SLCO1C1: variants seen among roughly 807,000 people sequenced by gnomAD.
The protein encoded by SLCO1C1 is OAT-RP-5.
A neutral mutation model predicts 76.4 loss-of-function variants in SLCO1C1; 70 were observed. The observed-to-expected ratio is 0.92, with a 90% CI of 0.76 to 1.12. The LOEUF (loss-of-function observed/expected upper bound fraction) is 1.12, where lower values mean the gene tolerates loss of function less well. Ranked by LOEUF, SLCO1C1 falls within the 50% of genes most tolerant of loss-of-function variation. The pLI is 0.00. For missense variants in SLCO1C1, 912 were observed against 823.8 expected (o/e 1.11, Z -1.31); for synonymous variants, 306 against 286.1 (o/e 1.07, Z -0.70).
chr12:20,722,623 C>G (rs1357260877), intron 8 of SLCO1C1, among the ~76,000 whole-genome samples: 1 of 152,118 alleles, frequency 6.6e-6, no homozygotes, highest in African/African-American at 2.4e-5. Context: ...GGGAGAACAC[C>G]AATGCTCATT....
intron 13 of SLCO1C1, among the ~76,000 whole-genome samples, chr12:20,749,299 CCAGA>C (rs1318934141): frequency 3.7e-4 from 56 of 152,166 alleles, no homozygotes; most frequent in African/African-American, 1.3e-3. Context: ...CCGGAAACAA[CCAGA>C]CAGTTGATGG....
intron 8 of SLCO1C1, among the ~76,000 whole-genome samples, chr12:20,722,652 A>G (rs146386042): frequency 6.6e-6 from 1 of 152,336 alleles, no homozygotes; most frequent in Non-Finnish European, 1.5e-5. Context: ...TAAAATTCAT[A>G]TATTAAATGG....
At chr12:20,737,578 CATA>C (rs751760902) in intron 11 of SLCO1C1, among the ~76,000 whole-genome samples, 250 of 152,236 alleles carry the variant, frequency 1.6e-3, no homozygotes, top group Non-Finnish European at 2.9e-3. Context: ...GTATGATCAT[CATA>C]ATAAGATATG....
At chr12:20,711,271 T>C in intron 4 of SLCO1C1, 115 bp from the exon 5 acceptor site, 1 of 1,212,900 alleles carries the variant, frequency 8.2e-7, no homozygotes. Flanking sequence ...GTGAATTAGG[T>C]TCAGAGACAG....
In SLCO1C1 at chr12:20,695,425, G is replaced by A. The variant is rs555723411; in HGVS notation, c.-408G>A. ...TCTTTTATTCACTCTCTCCCATAAAGAAAGCTTTATCACGTGTGGCCTTAA... is the reference window on the plus strand; with the variant it reads ...TCTTTTATTCACTCTCTCCCATAAAAAAAGCTTTATCACGTGTGGCCTTAA... On this transcript the variant is annotated 5_prime_UTR_variant, in exon 1 of 15. Transcript: ENST00000266509. 2.6e-5 allele frequency: 4 copies of A among 152,196 alleles called. No individual in the cohort carries two copies. In the South Asian group the frequency reaches 6.2e-4, roughly 24 times the overall value. 9.4% of individuals were successfully genotyped at this position (152,196 alleles called of 1,614,324 possible).
rs192307604 is a variant in SLCO1C1, at chr12:20,751,194, C to A, written c.1916+402C>A. 9.5e-4 allele frequency among the ~76,000 whole-genome samples: 144 copies of A among 152,124 alleles called. 4 individuals are homozygous for A. The highest frequency in any genetic ancestry group is 5.0e-4 in the Non-Finnish European group (34 of 67,980). ...TGTACCACTTACGTCAGATATAATACCCCTGGGCAAGAGTTGGATTTGGCT... is the reference window on the plus strand; with the variant it reads ...TGTACCACTTACGTCAGATATAATAACCCTGGGCAAGAGTTGGATTTGGCT... On this transcript the variant is annotated intron_variant, in intron 14 of 14. Transcript: ENST00000266509.
chr12:20,714,586 A>T (rs887359177), intron 5 of SLCO1C1, among the ~76,000 whole-genome samples: 9 of 152,200 alleles, frequency 5.9e-5, no homozygotes, highest in Admixed American at 4.6e-4. Context: ...GAGTCCTAAA[A>T]ATGGTTATTC....
intron 7 of SLCO1C1, among the ~76,000 whole-genome samples, chr12:20,719,853 A>G (rs568588417): frequency 1.3e-5 from 2 of 152,340 alleles, no homozygotes; most frequent in African/African-American, 4.8e-5. Context: ...ATATTTAACT[A>G]GGATTATTGA....
intron 7 of SLCO1C1, among the ~76,000 whole-genome samples, chr12:20,720,155 A>T (rs1422069801): frequency 6.6e-6 from 1 of 152,178 alleles, no homozygotes; most frequent in Non-Finnish European, 1.5e-5. Context: ...AGCATGGTTT[A>T]CTAACTATTT....
intron 9 of SLCO1C1, among the ~76,000 whole-genome samples, chr12:20,725,268 TTAATA>T (rs1363333635): frequency 1.8e-4 from 25 of 141,006 alleles, no homozygotes; most frequent in South Asian, 2.2e-4. Context: ...TTAATATGTA[TTAATA>T]TAATATATAT....
At chr12:20,726,223 C>G (rs1222592223) in intron 9 of SLCO1C1, among the ~76,000 whole-genome samples, 1 of 151,004 alleles carries the variant, frequency 6.6e-6, no homozygotes, top group Non-Finnish European at 1.5e-5. Context: ...TCTTTCTTTT[C>G]TTCTTCTATT....
chr12:20,710,090 G>C (rs1415754909), intron 4 of SLCO1C1, among the ~76,000 whole-genome samples: 1 of 151,670 alleles, frequency 6.6e-6, no homozygotes, highest in Non-Finnish European at 1.5e-5. Context: ...AACCCATTGA[G>C]GTGCAGATTG....
chr12:20,706,299 AAGATT>A (rs1946774369), intron 4 of SLCO1C1, among the ~76,000 whole-genome samples: 2 of 152,260 alleles, frequency 1.3e-5, no homozygotes, highest in East Asian at 3.9e-4. Context: ...TGATATCAAC[AAGATT>A]AAAGAAAGAT....
At chr12:20,731,775 CAA>C in intron 9 of SLCO1C1, among the ~76,000 whole-genome samples, 1 of 152,304 alleles carries the variant, frequency 6.6e-6, no homozygotes, top group Admixed American at 6.5e-5. Flanking sequence ...CCTCTTTTCC[CAA>C]GTCTTTTGCA....
At chr12:20,712,748 C>A (rs945615568) in intron 5 of SLCO1C1, among the ~76,000 whole-genome samples, 1 of 152,074 alleles carries the variant, frequency 6.6e-6, no homozygotes, top group South Asian at 2.1e-4. Context: ...AGGCAATGAA[C>A]CCCGGCTGTT....
chr12:20,728,828 A>G (rs11045417), intron 9 of SLCO1C1, among the ~76,000 whole-genome samples: 47,825 of 151,740 alleles, frequency 0.32, 8,031 homozygotes, highest in Middle Eastern at 0.4. Flanking sequence ...CAAGGAATAA[A>G]ATCTTTAACC....
At chr12:20,733,686 G>A (rs1035397392) in intron 10 of SLCO1C1, among the ~76,000 whole-genome samples, 9 of 152,126 alleles carry the variant, frequency 5.9e-5, no homozygotes, top group African/African-American at 2.2e-4. Context: ...AGGAAACAAC[G>A]CCTGTCCTTC....
intron 7 of SLCO1C1, among the ~76,000 whole-genome samples, chr12:20,718,922 G>C (rs185410644): frequency 2.0e-5 from 3 of 152,042 alleles, no homozygotes; most frequent in Non-Finnish European, 4.4e-5. Flanking sequence ...TACAGACATA[G>C]CTTGTTTTAT....
intron 4 of SLCO1C1, 110 bp downstream of exon 4, chr12:20,706,191 CTTACTT>C: frequency 7.6e-7 from 1 of 1,319,214 alleles, no homozygotes; most frequent in South Asian, 1.9e-5. Context: ...ATAACTTTGT[CTTACTT>C]TTATTACATT....
Sources: gnomAD v4.1 joint callset for allele counts (sites outside exome capture counted in the v4.1 genomes callset) on GRCh38, gnomAD v4.1.1 for gene constraint, MANE v1.5 for transcripts, NCBI Gene and HGNC (gene_info 2026-07-23, HGNC 2026-07-21) for gene names.